Variants in CPHXL observed in about 807,000 individuals in gnomAD.
The protein encoded by CPHXL is cytoplasmic polyadenylated homeobox like.
At chr16:75,722,938 G>C (rs546768694) in intron 1 of CPHXL, among the ~76,000 whole-genome samples, 27 of 152,268 alleles carry the variant, frequency 1.8e-4, no homozygotes, top group African/African-American at 6.5e-4. Flanking sequence ...ATGCAAGGCT[G>C]GTTCAACATA....
chr16:75,724,170 C>T (rs1449859970), intron 1 of CPHXL, among the ~76,000 whole-genome samples: 1 of 152,074 alleles, frequency 6.6e-6, no homozygotes, highest in Admixed American at 6.6e-5. Flanking sequence ...CCATAAAAAC[C>T]CTAGAAGAAA....
intron 1 of CPHXL, among the ~76,000 whole-genome samples, chr16:75,721,078 G>A (rs983579428): frequency 1.3e-5 from 2 of 152,118 alleles, no homozygotes; most frequent in Non-Finnish European, 2.9e-5. Flanking sequence ...CACCAGGCCT[G>A]CCCTAAAAGA....
intron 1 of CPHXL, among the ~76,000 whole-genome samples, chr16:75,723,888 T>C (rs144513343): frequency 0.053 from 7,975 of 151,680 alleles, 271 homozygotes; most frequent in African/African-American, 0.083. Flanking sequence ...AGCATGGTAC[T>C]GGTACCAAAA....
chr16:75,724,789 G>A (rs1959529979), intron 1 of CPHXL, among the ~76,000 whole-genome samples: 1 of 152,140 alleles, frequency 6.6e-6, no homozygotes, highest in Non-Finnish European at 1.5e-5. Flanking sequence ...ATACCCAAAG[G>A]ATTATAAATC....
chr16:75,718,790 G>A (rs543042408), intron 1 of CPHXL, among the ~76,000 whole-genome samples: 3 of 152,310 alleles, frequency 2.0e-5, no homozygotes, highest in Middle Eastern at 3.4e-3. Flanking sequence ...TGTGTCTAGG[G>A]TCGACACAGC....
chr16:75,714,449 C>G lies in CPHXL; in HGVS notation c.993G>C (p.Gln331His), dbSNP rs1959360421. The change falls in exon 3 of 3, where the codon CAG becomes CAC. Residue 331 changes from glutamine to histidine, a missense_variant. Gln to His is a conservative substitution (Grantham distance 24). Coordinates refer to ENST00000640559, the MANE Select transcript of CPHXL (RefSeq NM_001355613.1). ...GACCCGAGTCCATTGGGAGCTGTTC[C>G]TGCAACATCATCCCCTCTAAGTAAT... ...PQNYLEGMML[Q>H]EQLPMDSGPW... 1 of 398,628 alleles carries G rather than the reference C, an allele frequency of 2.5e-6. No homozygotes were observed. The highest frequency in any genetic ancestry group is 2.1e-5 in the African/African-American group (1 of 48,750). The allele number at this position is 398,628 out of a possible 1,614,324, so 24.7% of individuals were successfully genotyped here.
Position 75,714,617 on chromosome 16 carries a change from T to C in CPHXL, c.825A>G (p.Ala275=). ...ERTETKESQH[A]SPFLLDYAQG... is the part of the protein sequence containing the mutation. ...GAGCGTAATCCAAAAGGAAAGGACTTGCATGCTGGCTTTCCTTGGTTTCAG... is the reference window on the plus strand; with the variant it reads ...GAGCGTAATCCAAAAGGAAAGGACTCGCATGCTGGCTTTCCTTGGTTTCAG... Residue 275 remains alanine, a synonymous_variant, in exon 3 of 3, where the codon GCA becomes GCG. Transcript: ENST00000640559. The C allele has an allele frequency of 2.5e-6, 1 of 398,666 alleles. No individual in the cohort carries two copies. The highest frequency in any genetic ancestry group is 4.4e-6 in the Non-Finnish European group (1 of 226,090). 24.7% of individuals were successfully genotyped at this position (398,666 alleles called of 1,614,324 possible). A position where few individuals can be genotyped will look rare whatever the true frequency, so the allele number is the denominator to read the frequency against.
chr16:75,720,836 G>T (rs900760664), intron 1 of CPHXL, among the ~76,000 whole-genome samples: 7 of 152,090 alleles, frequency 4.6e-5, no homozygotes, highest in Admixed American at 6.6e-5. Flanking sequence ...GGAAAAAATG[G>T]GAAGGGCAGC....
chr16:75,718,095 G>A (rs1440351777), intron 2 of CPHXL, among the ~76,000 whole-genome samples, 170 bp downstream of exon 2: 1 of 151,932 alleles, frequency 6.6e-6, no homozygotes, highest in Non-Finnish European at 1.5e-5. Context: ...GTGTGTGCCT[G>A]TAGTCCCAGC....
At chr16:75,717,138 A>C (rs551374769) in intron 2 of CPHXL, among the ~76,000 whole-genome samples, 1 of 152,312 alleles carries the variant, frequency 6.6e-6, no homozygotes, top group South Asian at 2.1e-4. Context: ...AAACATCTAC[A>C]GTCTCATTAG....
chr16:75,716,889 G>T (rs914000436), intron 2 of CPHXL, among the ~76,000 whole-genome samples: 2 of 152,168 alleles, frequency 1.3e-5, no homozygotes, highest in African/African-American at 4.8e-5. Context: ...CTTCAGAATT[G>T]CATATTCAAC....
chr16:75,716,129 AC>A (rs1020359325), intron 2 of CPHXL, among the ~76,000 whole-genome samples: 47 of 151,356 alleles, frequency 3.1e-4, no homozygotes, highest in African/African-American at 1.1e-3. Flanking sequence ...AAAAAAAAAA[AC>A]ATTTTTCCTC....
Position 75,726,482 on chromosome 16 carries a change from C to T in CPHXL, c.-40G>A. 1 of 398,460 alleles carries T rather than the reference C, an allele frequency of 2.5e-6. No individual in the cohort carries two copies. The allele number at this position is 398,460 out of a possible 1,614,324, so 24.7% of individuals were successfully genotyped here. A position where few individuals can be genotyped will look rare whatever the true frequency, so the allele number is the denominator to read the frequency against. ...CCTGGACTTCACGGAGACCAGCAAG[C>T]AACTGAGATCAGCAAGCAACTGAGC... is the stretch of plus-strand genomic sequence containing the variant. On this transcript the variant is annotated 5_prime_UTR_variant, in exon 1 of 3. Coordinates refer to ENST00000640559, the MANE Select transcript of CPHXL (RefSeq NM_001355613.1).
At chr16:75,716,121 A>G (rs1959387805) in intron 2 of CPHXL, among the ~76,000 whole-genome samples, 1 of 152,086 alleles carries the variant, frequency 6.6e-6, no homozygotes, top group Non-Finnish European at 1.5e-5. Context: ...TCTGAGGGAA[A>G]AAAAAAAACA....
Position 75,714,904 on chromosome 16 carries a change from C to T in CPHXL, c.538G>A (p.Gly180Arg), listed in dbSNP as rs994952020. The T allele has an allele frequency of 5.0e-5, 20 of 398,480 alleles. No individual in the cohort carries two copies. Among genetic ancestry groups the T allele is most frequent in the Admixed American group, 4.4e-4 (10 of 22,712 alleles). The allele number at this position is 398,480 out of a possible 1,614,324, so 24.7% of individuals were successfully genotyped here. The change falls in exon 3 of 3, where the codon GGG becomes AGG. Residue 180 changes from glycine to arginine, a missense_variant. By Grantham distance (125) the Gly-to-Arg change is moderately radical. Coordinates refer to ENST00000640559, the MANE Select transcript of CPHXL (RefSeq NM_001355613.1). ...GAACCCACCTGTTGACTGGGAATCC[C>T]TGGTTTCTCCAGATAAGAGCACTGG... is the stretch of plus-strand genomic sequence containing the variant. Reference protein sequence around the residue: ...GPQCSYLEKPGIPSQQVGSQC... With the variant: ...GPQCSYLEKPRIPSQQVGSQC...
intron 2 of CPHXL, among the ~76,000 whole-genome samples, 170 bp downstream of exon 2, chr16:75,718,095 G>C (rs1440351777): frequency 6.6e-6 from 1 of 151,932 alleles, no homozygotes; most frequent in Non-Finnish European, 1.5e-5. Context: ...GTGTGTGCCT[G>C]TAGTCCCAGC....
At position 75,715,149 on chromosome 16, in the gene CPHXL, T is replaced by C. The variant is rs1959372510; in HGVS notation, c.293A>G (p.His98Arg). ...TGAATGGGCTTGGACTGGAAAATCA[T>C]GCTTTTTCTGAAGAACAAATATTCT... ...RRRIFVLQKK[H>R]DFPVQAHSFL... is the part of the protein sequence containing the mutation. The change falls in exon 3 of 3, where the codon CAT becomes CGT. Residue 98 changes from histidine to arginine, a missense_variant. His to Arg is a conservative substitution (Grantham distance 29). Coordinates refer to ENST00000640559, the MANE Select transcript of CPHXL (RefSeq NM_001355613.1). 1 of 398,938 alleles carries C rather than the reference T, an allele frequency of 2.5e-6. No individual in the cohort carries two copies. The allele number at this position is 398,938 out of a possible 1,614,324, so 24.7% of individuals were successfully genotyped here.
At chr16:75,721,962 G>A (rs1382516228) in intron 1 of CPHXL, among the ~76,000 whole-genome samples, 2 of 152,160 alleles carry the variant, frequency 1.3e-5, no homozygotes, top group Non-Finnish European at 2.9e-5. Flanking sequence ...ACTCAAAACT[G>A]CTCAATTACA....
In CPHXL at chr16:75,715,350, G is replaced by A. The variant is rs1258884837; in HGVS notation, c.220-128C>T. 1.0e-5 allele frequency: 4 copies of A among 397,056 alleles called. No homozygotes were observed. In the East Asian group the frequency reaches 1.4e-4, roughly 14 times the overall value. 24.6% of individuals were successfully genotyped at this position (397,056 alleles called of 1,614,324 possible). Reference sequence around the variant, plus strand: ...AAGCAGAGTCCCTGACTTGCCTGCTGACATTAAAGCATATAAATAATAAAG... The same window carrying A: ...AAGCAGAGTCCCTGACTTGCCTGCTAACATTAAAGCATATAAATAATAAAG... On this transcript the variant is annotated intron_variant, in intron 2 of 2. Coordinates refer to ENST00000640559, the MANE Select transcript of CPHXL (RefSeq NM_001355613.1).
Sources: gnomAD v4.1 joint callset for allele counts (sites outside exome capture counted in the v4.1 genomes callset) on GRCh38, gnomAD v4.1.1 for gene constraint, MANE v1.5 for transcripts, NCBI Gene and HGNC (gene_info 2026-07-23, HGNC 2026-07-21) for gene names.